SIPA1L1: variants seen among roughly 807,000 people sequenced by gnomAD.
SIPA1L1 encodes the protein signal induced proliferation associated 1 like 1, also known as signal-induced proliferation-associated 1-like protein 1.
In SIPA1L1, 26 loss-of-function variants were observed where a neutral mutation model predicts 162.7. The observed-to-expected ratio is 0.16, with a 90% CI of 0.12 to 0.22. The LOEUF (loss-of-function observed/expected upper bound fraction) is 0.22. SIPA1L1 is among the 10% of genes least tolerant of loss of function. The probability of loss-of-function intolerance (pLI) is 1.00; values close to 1 mark genes in which losing one functional copy is unlikely to be tolerated. For missense variants in SIPA1L1, 1,874 were observed against 2,241.0 expected, an observed-to-expected ratio of 0.84 and a Z score of 3.31; for synonymous variants, 829 against 837.4, an observed-to-expected ratio of 0.99 and a Z score of 0.17.
At chr14:71,729,785 A>C (rs957526318) in intron 19 of SIPA1L1, among the ~76,000 whole-genome samples, 4 of 152,240 alleles carry the variant, frequency 2.6e-5, no homozygotes, top group Non-Finnish European at 5.9e-5. Flanking sequence ...GTTTTTAACC[A>C]CACACGATCT....
At chr14:71,501,790 A>G (rs2050237499) in intron 2 of SIPA1L1, among the ~76,000 whole-genome samples, 1 of 152,170 alleles carries the variant, frequency 6.6e-6, no homozygotes, top group African/African-American at 2.4e-5. Context: ...TGGCAGGCCA[A>G]GGTGGGAGGA....
intron 2 of SIPA1L1, among the ~76,000 whole-genome samples, chr14:71,382,696 A>G (rs1345297023): frequency 1.3e-5 from 2 of 152,158 alleles, no homozygotes; most frequent in Non-Finnish European, 2.9e-5. Context: ...GATAGATATT[A>G]TAGCACTTTT....
chr14:71,328,570 A>C (rs2034112363), intron 2 of SIPA1L1, among the ~76,000 whole-genome samples: 1 of 152,344 alleles, frequency 6.6e-6, no homozygotes, highest in East Asian at 1.9e-4. Flanking sequence ...AATGCAGCCA[A>C]CTGAGGATTG....
Position 71,661,259 on chromosome 14 carries a change from G to A in SIPA1L1, c.2098-51G>A, listed in dbSNP as rs144468835. ...AGCTATATAAGGGAATTGGGGTGGC[G>A]GGGGAAGCAAATGATTGTTATTTAT... On this transcript the variant is annotated intron_variant, in intron 9 of 23. Coordinates refer to ENST00000381232, the MANE Select transcript of SIPA1L1 (RefSeq NM_001386936.1). 183 of 1,586,350 alleles carry A rather than the reference G, an allele frequency of 1.2e-4. 1 individual carries two copies. In the African/African-American group the frequency reaches 2.1e-3, roughly 18 times the overall value.
intron 4 of SIPA1L1, among the ~76,000 whole-genome samples, chr14:71,559,517 A>G (rs893264520): frequency 9.8e-5 from 15 of 152,340 alleles, no homozygotes; most frequent in African/African-American, 3.1e-4. Flanking sequence ...AATATTGTCA[A>G]GCATTCATGA....
chr14:71,642,245 G>A (rs1474591531), intron 7 of SIPA1L1, among the ~76,000 whole-genome samples: 2 of 152,204 alleles, frequency 1.3e-5, no homozygotes, highest in East Asian at 3.8e-4. Flanking sequence ...TCTGCCTGAA[G>A]AGAGTTTCCA....
At chr14:71,509,847 T>C (rs1263083964) in intron 2 of SIPA1L1, among the ~76,000 whole-genome samples, 2 of 152,142 alleles carry the variant, frequency 1.3e-5, no homozygotes, top group Non-Finnish European at 2.9e-5. Flanking sequence ...TACTTTTCTT[T>C]TAAGGGTTAA....
chr14:71,510,341 C>T (rs2051037103), intron 2 of SIPA1L1, among the ~76,000 whole-genome samples: 1 of 151,938 alleles, frequency 6.6e-6, no homozygotes, highest in South Asian at 2.1e-4. Context: ...TGCCCGCCAC[C>T]ACGCCCAGCT....
At chr14:71,624,807 G>A (rs1044222125) in intron 7 of SIPA1L1, among the ~76,000 whole-genome samples, 10 of 152,224 alleles carry the variant, frequency 6.6e-5, no homozygotes, top group East Asian at 3.9e-4. Context: ...CCACTTCACC[G>A]CGCTGTTCTT....
intron 8 of SIPA1L1, among the ~76,000 whole-genome samples, chr14:71,652,826 C>A (rs754871776): frequency 2.0e-5 from 3 of 152,038 alleles, no homozygotes; most frequent in African/African-American, 4.8e-5. Context: ...TTTTAAATGT[C>A]TTCTATTCTC....
intron 14 of SIPA1L1, among the ~76,000 whole-genome samples, chr14:71,699,734 G>A (rs1335837317): frequency 2.0e-5 from 3 of 152,198 alleles, no homozygotes; most frequent in African/African-American, 7.2e-5. Context: ...GATCAAATTT[G>A]TCTGTGAGGA....
intron 17 of SIPA1L1, among the ~76,000 whole-genome samples, chr14:71,718,963 G>C (rs1366719466): frequency 6.6e-6 from 1 of 151,166 alleles, no homozygotes; most frequent in Non-Finnish European, 1.5e-5. Context: ...TTTTGAGATA[G>C]AGTCTCATTT....
intron 2 of SIPA1L1, among the ~76,000 whole-genome samples, chr14:71,500,834 C>T (rs1322417094): frequency 6.6e-6 from 1 of 151,802 alleles, no homozygotes; most frequent in East Asian, 1.9e-4. Context: ...TGGAGAAACC[C>T]CATCTCTACT....
chr14:71,721,896 C>T (rs1168665754), intron 17 of SIPA1L1, among the ~76,000 whole-genome samples: 2 of 152,192 alleles, frequency 1.3e-5, no homozygotes, highest in African/African-American at 2.4e-5. Flanking sequence ...CCCCAGGCCA[C>T]CTTGGTCAGC....
At position 71,376,173 on chromosome 14, in the gene SIPA1L1, A is replaced by AT. The variant is rs1193622263; in HGVS notation, c.-465+54997dup. On this transcript the variant is annotated intron_variant, in intron 2 of 23. Coordinates refer to ENST00000381232, the MANE Select transcript of SIPA1L1 (RefSeq NM_001386936.1). The stretch of plus-strand genomic sequence containing the variant: ...GAAATCATATGGACTTAGAATTTCC[A>AT]TTTTTGAAATATTTTAAATAACAGA... 7.2e-5 allele frequency among the ~76,000 whole-genome samples: 11 copies of AT among 152,264 alleles called. No individual in the cohort carries two copies. The South Asian group carries it at 1.9e-3, about 26-fold the overall frequency.
chr14:71,535,399 C>T (rs777390378), intron 4 of SIPA1L1, among the ~76,000 whole-genome samples: 5 of 152,112 alleles, frequency 3.3e-5, no homozygotes, highest in Admixed American at 6.5e-5. Context: ...GCATGTTTCT[C>T]TATGTAAGCA....
At chr14:71,353,984 T>C (rs2036971317) in intron 2 of SIPA1L1, among the ~76,000 whole-genome samples, 1 of 152,002 alleles carries the variant, frequency 6.6e-6, no homozygotes, top group Non-Finnish European at 1.5e-5. Context: ...AAAGACACAA[T>C]TTCAAAATAA....
In SIPA1L1 at chr14:71,557,144, C is replaced by T. The variant is rs548418194; in HGVS notation, c.-303+27774C>T. 6.6e-5 allele frequency among the ~76,000 whole-genome samples: 10 copies of T among 152,320 alleles called. No homozygotes were observed. The East Asian group carries it at 1.7e-3, about 26-fold the overall frequency. ...TCTTTTCCCATTTTTCTTTTGGAATCTTAGTATTTTATCTTCCTTCACAAA... is the reference window on the plus strand; with the variant it reads ...TCTTTTCCCATTTTTCTTTTGGAATTTTAGTATTTTATCTTCCTTCACAAA... On this transcript the variant is annotated intron_variant, in intron 4 of 23. Transcript: ENST00000381232.
chr14:71,590,039 AAAAAAATATATAT>A (rs1384252678), intron 5 of SIPA1L1, among the ~76,000 whole-genome samples: 409 of 74,164 alleles, frequency 5.5e-3, no homozygotes, highest in Non-Finnish European at 8.5e-3. Context: ...AAAAAAAAAA[AAAAAAATATATAT>A]ATATATATAT....
Sources: allele counts gnomAD v4.1 joint callset (sites outside exome capture counted in the v4.1 genomes callset), GRCh38; gene constraint gnomAD v4.1.1; transcripts MANE v1.5; gene names NCBI Gene and HGNC (gene_info 2026-07-23, HGNC 2026-07-21).